Variants in ALG12 observed in about 807,000 individuals in gnomAD.
ALG12 encodes dol-P-Man:Man(7)GlcNAc(2)-PP-Dol alpha-1,6-mannosyltransferase.
In ALG12, 36 loss-of-function variants were observed where a neutral mutation model predicts 46.0. The ratio of observed to expected loss-of-function variants is 0.78; its 90% CI spans 0.60 to 1.03. ALG12 has a LOEUF of 1.03. Among genes scored for constraint, ALG12 ranks in the 50% least tolerant of loss-of-function variants. The probability of loss-of-function intolerance (pLI) is 0.00; values close to 1 mark genes in which losing one functional copy is unlikely to be tolerated. For synonymous variants in ALG12, 326 were observed against 291.6 expected, an observed-to-expected ratio of 1.12 and a Z score of -1.20; for missense variants, 599 against 633.5, an observed-to-expected ratio of 0.95 and a Z score of 0.58.
downstream of ALG12, among the ~76,000 whole-genome samples, chr22:49,895,417 C>G (rs774806760): frequency 6.6e-5 from 10 of 151,888 alleles, no homozygotes; most frequent in Non-Finnish European, 1.3e-4. Flanking sequence ...TTTGGGAGGC[C>G]GAGGTGGGTG....
intron 5 of ALG12, 131 bp downstream of exon 5, chr22:49,909,763 A>G: frequency 1.5e-6 from 2 of 1,317,918 alleles, no homozygotes; most frequent in South Asian, 1.3e-5. Flanking sequence ...TAGGATTGAA[A>G]TGTTTTCAAC....
rs181416164 is a variant in ALG12 at position 49,909,123 on chromosome 22, C to T, written c.768+121G>A. 1.2e-4 allele frequency: 126 copies of T among 1,089,938 alleles called. No individual in the cohort carries two copies. In the East Asian group the frequency reaches 2.5e-3, roughly 21 times the overall value. 67.5% of individuals were successfully genotyped at this position (1,089,938 alleles called of 1,614,324 possible). ...AGCAAGTGGGAGGGAGGGGCTCCAT[C>T]CTGACCCTGCAGCCACGCTGCAGAG... is the stretch of plus-strand genomic sequence containing the variant. On this transcript the variant is annotated intron_variant, in intron 6 of 9. Coordinates refer to ENST00000330817, the MANE Select transcript of ALG12 (RefSeq NM_024105.4).
At chr22:49,868,239 AT>A in the ALG12 span, among the ~76,000 whole-genome samples, 2 of 152,132 alleles carry the variant, frequency 1.3e-5, no homozygotes, top group African/African-American at 2.4e-5. Flanking sequence ...TTATTGAGAG[AT>A]TTGGGGAAAC....
chr22:49,867,854 C>T, the ALG12 span, among the ~76,000 whole-genome samples: 1 of 152,214 alleles, frequency 6.6e-6, no homozygotes, highest in Non-Finnish European at 1.5e-5. Flanking sequence ...ATAGCTTAGT[C>T]CAGCCCCCCT....
In ALG12 at chr22:49,913,245, G is replaced by A; in HGVS notation, c.295+140C>T. ...TAGGCCTGACCTGAGCACCTGCTCT[G>A]AGCCGCCATGCCACGGTGATCGAGG... On this transcript the variant is annotated intron_variant, in intron 3 of 9. Coordinates refer to ENST00000330817, the MANE Select transcript of ALG12 (RefSeq NM_024105.4). 3.6e-6 allele frequency: 5 copies of A among 1,371,580 alleles called. No homozygotes were observed. In the South Asian group the frequency reaches 4.7e-5, roughly 13 times the overall value. 85.0% of individuals were successfully genotyped at this position (1,371,580 alleles called of 1,614,324 possible). A position where few individuals can be genotyped will look rare whatever the true frequency, so the allele number is the denominator to read the frequency against.
chr22:49,859,887 C>T, the ALG12 span, among the ~76,000 whole-genome samples: 2 of 150,678 alleles, frequency 1.3e-5, no homozygotes, highest in Middle Eastern at 3.2e-3. Context: ...ATCAGCTGGG[C>T]ATGATGGTAT....
At chr22:49,904,561 T>C (rs919057851) in intron 7 of ALG12, 55 bp from the exon 8 acceptor site, 1 of 1,596,600 alleles carries the variant, frequency 6.3e-7, no homozygotes, top group Non-Finnish European at 8.6e-7. Context: ...ATAAAATTAA[T>C]CTACCTACAA....
the ALG12 span, among the ~76,000 whole-genome samples, chr22:49,871,499 T>C: frequency 6.6e-6 from 1 of 152,032 alleles, no homozygotes; most frequent in South Asian, 2.1e-4. Flanking sequence ...AAAAAAAAAG[T>C]TACATTTTCA....
the ALG12 span, among the ~76,000 whole-genome samples, chr22:49,892,989 G>C: frequency 1.3e-5 from 2 of 152,178 alleles, no homozygotes; most frequent in Non-Finnish European, 2.9e-5. Context: ...TGAGAAGGTG[G>C]AGAATGCCAC....
At chr22:49,894,092 G>A in the ALG12 span, among the ~76,000 whole-genome samples, 2 of 152,184 alleles carry the variant, frequency 1.3e-5, no homozygotes, top group Non-Finnish European at 2.9e-5. Context: ...TTGAACCCAG[G>A]AGGCGGAGGT....
chr22:49,904,290 T>C (rs768700632), intron 8 of ALG12, 36 bp from the exon 9 acceptor site: 2 of 1,614,124 alleles, frequency 1.2e-6, no homozygotes, highest in East Asian at 4.5e-5. Context: ...AGCCCAGCCC[T>C]GCAGTCGGAG....
At chr22:49,908,894 G>GGTGAAGGGGGTA (rs1248306345) in intron 6 of ALG12, among the ~76,000 whole-genome samples, 33 of 151,106 alleles carry the variant, frequency 2.2e-4, no homozygotes, top group African/African-American at 8.0e-4. Flanking sequence ...GGAGGTTGCA[G>GGTGAAGGGGGTA]TGAGCCAAGA....
rs1264972804 is a variant in ALG12 at position 49,902,558 on chromosome 22, T to G, written c.*1280A>C. ...TGCACGCGTGCACTGTGTGTATGCA[T>G]GGTAATGTGCACGTGTGCACTGTGT... On this transcript the variant is annotated 3_prime_UTR_variant, in exon 10 of 10. Transcript: ENST00000330817. 7.9e-6 allele frequency: 1 copy of G among 126,210 alleles called. No individual in the cohort carries two copies. The highest frequency in any genetic ancestry group is 1.6e-5 in the Non-Finnish European group (1 of 63,498). 7.8% of individuals were successfully genotyped at this position (126,210 alleles called of 1,614,324 possible).
the ALG12 span, among the ~76,000 whole-genome samples, chr22:49,860,485 T>C: frequency 1.3e-5 from 2 of 152,256 alleles, no homozygotes; most frequent in Non-Finnish European, 2.9e-5. Flanking sequence ...TAGTTAACTT[T>C]GCAGGTTTTT....
At chr22:49,874,636 G>A in the ALG12 span, among the ~76,000 whole-genome samples, 9 of 135,476 alleles carry the variant, frequency 6.6e-5, no homozygotes, top group South Asian at 2.1e-3. Flanking sequence ...GCCTCCCGAA[G>A]TGCTGGGATT....
chr22:49,864,950 C>G, the ALG12 span, among the ~76,000 whole-genome samples: 529 of 74,668 alleles, frequency 7.1e-3, 88 homozygotes, highest in African/African-American at 0.049. Context: ...CCCCCCCCCC[C>G]CCGTGAAGTC....
the ALG12 span, chr22:49,885,412 C>G: frequency 1.9e-6 from 3 of 1,604,326 alleles, no homozygotes; most frequent in Non-Finnish European, 2.6e-6. Flanking sequence ...GCACTGTGGC[C>G]GGACCATCAG....
chr22:49,866,557 CT>C, the ALG12 span, among the ~76,000 whole-genome samples: 1 of 151,950 alleles, frequency 6.6e-6, no homozygotes, highest in Admixed American at 6.6e-5. Context: ...TTTTTCTATC[CT>C]GATTTATGTT....
chr22:49,878,736 A>G, the ALG12 span, among the ~76,000 whole-genome samples: 1 of 152,210 alleles, frequency 6.6e-6, no homozygotes, highest in African/African-American at 2.4e-5. Flanking sequence ...ATGCTCTTCA[A>G]AATACACTAG....
Sources: allele counts gnomAD v4.1 joint callset (sites outside exome capture counted in the v4.1 genomes callset), GRCh38; gene constraint gnomAD v4.1.1; transcripts MANE v1.5; gene names NCBI Gene and HGNC (gene_info 2026-07-23, HGNC 2026-07-21).